TGFBR2: variants seen among roughly 807,000 people sequenced by gnomAD.
The protein encoded by TGFBR2 is TGF-beta receptor type-2.
A neutral mutation model predicts 49.0 loss-of-function variants in TGFBR2; 18 were observed. The ratio of observed to expected loss-of-function variants is 0.37; its 90% CI spans 0.25 to 0.54. The LOEUF is 0.54. TGFBR2 is among the 20% of genes least tolerant of loss of function. The pLI, the probability that TGFBR2 is intolerant of heterozygous loss-of-function variation, is 0.85. For missense variants in TGFBR2, 525 were observed against 722.6 expected, an observed-to-expected ratio of 0.73 and a Z score of 3.13; for synonymous variants, 282 against 275.9, an observed-to-expected ratio of 1.02 and a Z score of -0.22.
In TGFBR2 at chr3:30,691,680, A is replaced by C. The variant is rs1699713284; in HGVS notation, c.*81A>C. 6.5e-7 allele frequency: 1 copy of C among 1,547,352 alleles called. No individual in the cohort carries two copies. On this transcript the variant is annotated 3_prime_UTR_variant, in exon 7 of 7. Coordinates refer to ENST00000295754, the MANE Select transcript of TGFBR2 (RefSeq NM_003242.6). ...CAGAGGCAGCAGGAAGCTGCCCCTG[A>C]ACTGATGCTTCCTGGAAAACCAAGG... is the stretch of plus-strand genomic sequence containing the variant.
At chr3:30,660,999 A>C (rs1699113451) in intron 3 of TGFBR2, among the ~76,000 whole-genome samples, 1 of 152,162 alleles carries the variant, frequency 6.6e-6, no homozygotes, top group African/African-American at 2.4e-5. Flanking sequence ...TGGTGACCTA[A>C]CAGGTATTGT....
rs573025864 is a variant in TGFBR2, at chr3:30,688,394, T to A, written c.1407T>A (p.Asp469Glu). The A allele has an allele frequency of 6.2e-7, 1 of 1,614,198 alleles. No individual in the cohort carries two copies. The change falls in exon 6 of 7, where the codon GAT becomes GAA. Residue 469 changes from aspartate (D) to glutamate (E), a missense_variant. By Grantham distance (45) the Asp-to-Glu change is conservative (BLOSUM62 2). Coordinates refer to ENST00000295754, the MANE Select transcript of TGFBR2 (RefSeq NM_003242.6). ...SRCNAVGEVK[D>E]YEPPFGSKVR... The stretch of plus-strand genomic sequence containing the variant: ...TGGCTTTCTTCACAGAAGTAAAAGA[T>A]TATGAGCCTCCATTTGGTTCCAAGG...
At chr3:30,607,002 G>T in intron 1 of TGFBR2, 25 bp downstream of exon 1, 1 of 1,557,824 alleles carries the variant, frequency 6.4e-7, no homozygotes, top group Non-Finnish European at 8.7e-7. Flanking sequence ...GCCCGGGCTC[G>T]GCGGGGCGCC....
At position 30,676,689 on chromosome 3, in the gene TGFBR2, A is replaced by G. The variant is rs1699444290; in HGVS notation, c.1396+2443A>G. On this transcript the variant is annotated intron_variant, in intron 5 of 6. Transcript: ENST00000295754. The surrounding 1 kb of genome is among the most constrained non-coding windows in gnomAD (Gnocchi z 4.3). ...CTGGCTCTGATTCTTCATCCTGTTC[A>G]GAATATGCATAGCCAATTCTCCAGC... Among the ~76,000 whole-genome samples, 1 of 152,238 alleles carries G rather than the reference A, an allele frequency of 6.6e-6. No homozygotes were observed. The highest frequency in any genetic ancestry group is 2.4e-5 in the African/African-American group (1 of 41,460).
In TGFBR2 at chr3:30,671,934, G is replaced by C; in HGVS notation, c.751G>C (p.Gly251Arg). 6.2e-7 allele frequency: 1 copy of C among 1,614,186 alleles called. No individual in the cohort carries two copies. The highest frequency in any genetic ancestry group is 8.5e-7 in the Non-Finnish European group (1 of 1,180,030). Residue 251 changes from glycine (G) to arginine (R), a missense_variant, in exon 4 of 7, where the codon GGG becomes CGG. Transcript: ENST00000295754. ...GCCCATTGAGCTGGACACCCTGGTG[G>C]GGAAAGGTCGCTTTGCTGAGGTCTA... ...LLPIELDTLVGKGRFAEVYKA... is the reference protein window; with the variant it reads ...LLPIELDTLVRKGRFAEVYKA...
At chr3:30,662,766 T>C (rs549073601) in intron 3 of TGFBR2, among the ~76,000 whole-genome samples, 26 of 152,344 alleles carry the variant, frequency 1.7e-4, no homozygotes, top group African/African-American at 6.3e-4. Context: ...TCTCATTGGC[T>C]AGTGCTGAAT....
intron 1 of TGFBR2, among the ~76,000 whole-genome samples, chr3:30,616,222 T>TA (rs909774335): frequency 1.7e-4 from 26 of 152,180 alleles, no homozygotes; most frequent in African/African-American, 6.0e-4. Context: ...AAATAAATGT[T>TA]AAAAAATGCC....
intron 4 of TGFBR2, 126 bp from the exon 5 acceptor site, chr3:30,673,979 T>G: frequency 9.2e-7 from 1 of 1,089,730 alleles, no homozygotes; most frequent in Non-Finnish European, 1.4e-6. Context: ...TCTCATTCTT[T>G]AAAACAGCAC....
chr3:30,629,973 A>G (rs1469518251), intron 1 of TGFBR2, among the ~76,000 whole-genome samples: 1 of 152,128 alleles, frequency 6.6e-6, no homozygotes, highest in Non-Finnish European at 1.5e-5. Flanking sequence ...TGTCCTAAAA[A>G]CAGACTGTGC....
At chr3:30,663,078 T>C (rs1015412264) in intron 3 of TGFBR2, among the ~76,000 whole-genome samples, 50 of 152,338 alleles carry the variant, frequency 3.3e-4, no homozygotes, top group African/African-American at 1.2e-3. Context: ...AGTTATTCTT[T>C]ATGTAACATG....
chr3:30,669,567 ACATAGTG>A, intron 3 of TGFBR2, among the ~76,000 whole-genome samples: 1 of 152,328 alleles, frequency 6.6e-6, no homozygotes, highest in African/African-American at 2.4e-5. Context: ...TATGACGTTT[ACATAGTG>A]CATGGGGAAG....
At position 30,667,630 on chromosome 3, in the gene TGFBR2, T is replaced by TA. The variant is rs147397585; in HGVS notation, c.455-4006dup. Among the ~76,000 whole-genome samples, 639 of 152,270 alleles carry TA rather than the reference T, an allele frequency of 4.2e-3. 4 individuals carry two copies. Among genetic ancestry groups the TA allele is most frequent in the African/African-American group, 0.015 (607 of 41,564 alleles). On this transcript the variant is annotated intron_variant, in intron 3 of 6. Transcript: ENST00000295754. ...CTTCAGTCAGTGCCACACATAAACT[T>TA]AAGGGGATTTCTGTTTTTGTGTTTC...
intron 1 of TGFBR2, among the ~76,000 whole-genome samples, chr3:30,635,750 T>G (rs1241863052): frequency 6.6e-6 from 1 of 152,200 alleles, no homozygotes; most frequent in East Asian, 1.9e-4. Flanking sequence ...AAATACAAAT[T>G]TATGTTTATG....
chr3:30,657,053 A>G (rs540045773), intron 3 of TGFBR2, among the ~76,000 whole-genome samples: 41 of 152,236 alleles, frequency 2.7e-4, no homozygotes, highest in Non-Finnish European at 5.0e-4. Flanking sequence ...TCTCATTTTA[A>G]TGACAAAAAA....
rs371057383 is a variant in TGFBR2 at position 30,644,597 on chromosome 3, C to G, written c.95-150C>G. On this transcript the variant is annotated intron_variant, in intron 1 of 6. Coordinates refer to ENST00000295754, the MANE Select transcript of TGFBR2 (RefSeq NM_003242.6). ...TACAAATTGCATACACCAGATAATT[C>G]TAATCTGATGTGAAGGAATTATTTT... is the stretch of plus-strand genomic sequence containing the variant. 1,157 of 762,690 alleles carry G rather than the reference C, an allele frequency of 1.5e-3. 10 individuals are homozygous for G. The highest frequency in any genetic ancestry group is 5.2e-3 in the South Asian group (340 of 65,422). 47.2% of individuals were successfully genotyped at this position (762,690 alleles called of 1,614,324 possible).
chr3:30,623,564 T>C (rs535699066), intron 1 of TGFBR2, among the ~76,000 whole-genome samples: 278 of 152,324 alleles, frequency 1.8e-3, no homozygotes, highest in South Asian at 3.9e-3. Flanking sequence ...TTTCCCCTTT[T>C]CTTATGGGGA....
rs960928713 is a variant in TGFBR2, at chr3:30,606,623, C to T, written c.-261C>T. 7 of 360,570 alleles carry T rather than the reference C, an allele frequency of 1.9e-5. No homozygotes were observed. The highest frequency in any genetic ancestry group is 3.5e-5 in the Non-Finnish European group (7 of 200,400). 22.3% of individuals were successfully genotyped at this position (360,570 alleles called of 1,614,324 possible). ...GTCACTCGCGCGCACGGAGCGACGA[C>T]ACCCCCGCGCGTGCACCCGCTCGGG... is the stretch of plus-strand genomic sequence containing the variant. On this transcript the variant is annotated 5_prime_UTR_variant, in exon 1 of 7. Transcript: ENST00000295754.
At chr3:30,607,803 T>TATATATATATATTATATATATATAA (rs1697952245) in intron 1 of TGFBR2, among the ~76,000 whole-genome samples, 9 of 138,398 alleles carry the variant, frequency 6.5e-5, no homozygotes, top group African/African-American at 2.3e-4. Context: ...TAAAAAAATA[T>TATATATATATATTATATATATATAA]ATATATATAT....
Position 30,672,330 on chromosome 3 carries a change from T to A in TGFBR2, c.1147T>A (p.Ser383Thr). ...MPIVHRDLKS[S>T]NILVKNDLTC... Reference sequence around the variant, plus strand: ...CATCGTGCACAGGGACCTCAAGAGCTCCAATATCCTCGTGAAGAACGACCT... The same window carrying A: ...CATCGTGCACAGGGACCTCAAGAGCACCAATATCCTCGTGAAGAACGACCT... Residue 383 changes from serine (S) to threonine (T), a missense_variant, in exon 4 of 7, where the codon TCC (serine) becomes ACC (threonine). Ser to Thr is a moderately conservative substitution (Grantham distance 58, BLOSUM62 1). Coordinates refer to ENST00000295754, the MANE Select transcript of TGFBR2 (RefSeq NM_003242.6). The surrounding 1 kb of genome is among the most constrained non-coding windows in gnomAD (Gnocchi z 4.5). The A allele has an allele frequency of 6.2e-7, 1 of 1,613,210 alleles. No homozygotes were observed. Among genetic ancestry groups the A allele is most frequent in the African/African-American group, 1.3e-5 (1 of 75,006 alleles).
Sources: allele counts gnomAD v4.1 joint callset (sites outside exome capture counted in the v4.1 genomes callset), GRCh38; gene constraint gnomAD v4.1.1; non-coding constraint Gnocchi (gnomAD v3.1); transcripts MANE v1.5; gene names NCBI Gene and HGNC (gene_info 2026-07-23, HGNC 2026-07-21).